RERE: variants seen among roughly 807,000 people sequenced by gnomAD.
The protein encoded by RERE is arginine-glutamic acid dipeptide repeats.
A neutral mutation model predicts 146.1 loss-of-function variants in RERE; 40 were observed. The observed-to-expected ratio is 0.27, with a 90% confidence interval of 0.21 to 0.36. The LOEUF is 0.36. Among genes scored for constraint, RERE ranks in the 10% least tolerant of loss-of-function variants. The pLI is 1.00. For missense variants in RERE, 1,933 were observed against 2,138.7 expected (o/e 0.90, Z 1.90); for synonymous variants, 1,003 against 866.0 (o/e 1.16, Z -2.78).
At chr1:8,521,440 G>A (rs1033626691) in intron 7 of RERE, among the ~76,000 whole-genome samples, 3 of 152,060 alleles carry the variant, frequency 2.0e-5, no homozygotes, top group African/African-American at 7.2e-5. Context: ...CCAGGAGTTC[G>A]AGACCAACCC....
In RERE at chr1:8,619,688, T is replaced by C. The variant is rs576685244; in HGVS notation, c.396+4622A>G. On this transcript the variant is annotated intron_variant, in intron 3 of 22. Coordinates refer to ENST00000400908, the MANE Select transcript of RERE (RefSeq NM_001042681.2). The stretch of plus-strand genomic sequence containing the variant: ...GAAAATTAGTGTCTCCATGACCTTG[T>C]TAGCATTCTCGGACTCCATGATTAC... Among the ~76,000 whole-genome samples, 10 of 152,388 alleles carry C rather than the reference T, an allele frequency of 6.6e-5. No individual in the cohort carries two copies. In the South Asian group the frequency reaches 2.1e-3, roughly 32 times the overall value.
chr1:8,703,600 G>A (rs903037849), intron 1 of RERE, among the ~76,000 whole-genome samples: 3 of 152,172 alleles, frequency 2.0e-5, no homozygotes, highest in Non-Finnish European at 1.5e-5. Flanking sequence ...CCTCCCCTCC[G>A]ACAGCCGGAA....
chr1:8,600,984 G>A (rs1646615959), intron 4 of RERE, among the ~76,000 whole-genome samples: 1 of 138,568 alleles, frequency 7.2e-6, no homozygotes, highest in Non-Finnish European at 1.5e-5. Context: ...TCTATCTCCT[G>A]ACCTTGTGAT....
At chr1:8,422,939 G>A in intron 11 of RERE, 132 bp from the exon 12 acceptor site, 2 of 675,704 alleles carry the variant, frequency 3.0e-6, no homozygotes, top group Admixed American at 2.3e-5. Flanking sequence ...GCCGAGGCTC[G>A]GAGAGTATGT....
intron 12 of RERE, among the ~76,000 whole-genome samples, chr1:8,417,263 A>G (rs1000542400): frequency 2.6e-5 from 4 of 152,182 alleles, no homozygotes; most frequent in Non-Finnish European, 5.9e-5. Flanking sequence ...GCCCTTTCTC[A>G]ATAGCATTTA....
At chr1:8,712,260 C>T (rs1300216733) in intron 1 of RERE, among the ~76,000 whole-genome samples, 1 of 152,208 alleles carries the variant, frequency 6.6e-6, no homozygotes, top group Admixed American at 6.5e-5. Context: ...AAGACAAATG[C>T]TGAACATACA....
chr1:8,565,085 G>A (rs551400542), intron 4 of RERE, among the ~76,000 whole-genome samples: 10 of 152,122 alleles, frequency 6.6e-5, no homozygotes, highest in African/African-American at 2.4e-4. Context: ...GGGGAATGGG[G>A]AGCTAATGCT....
intron 13 of RERE, among the ~76,000 whole-genome samples, chr1:8,365,425 C>T (rs965338331): frequency 6.6e-6 from 1 of 152,124 alleles, no homozygotes; most frequent in Non-Finnish European, 1.5e-5. Context: ...AAGTGTTAAT[C>T]TGATCTTCTT....
intron 12 of RERE, among the ~76,000 whole-genome samples, chr1:8,376,950 T>C (rs1557598053): frequency 1.3e-5 from 2 of 152,268 alleles, no homozygotes; most frequent in African/African-American, 4.8e-5. Flanking sequence ...AAAAAAATTA[T>C]ATTCATTGAT....
chr1:8,369,498 C>T (rs1470042858), intron 12 of RERE, among the ~76,000 whole-genome samples: 3 of 105,070 alleles, frequency 2.9e-5, no homozygotes, highest in African/African-American at 7.6e-5. Context: ...ATAAATCTTT[C>T]GCCTTTTACT....
At chr1:8,601,863 C>G (rs1213845608) in intron 4 of RERE, among the ~76,000 whole-genome samples, 2 of 151,848 alleles carry the variant, frequency 1.3e-5, no homozygotes, top group East Asian at 3.9e-4. Context: ...CCTTTCCATC[C>G]AAACTATCCA....
In RERE at chr1:8,361,093, G is replaced by A. The variant is rs1399996411; in HGVS notation, c.2414C>T (p.Ala805Val). 1 of 1,440,866 alleles carries A rather than the reference G, an allele frequency of 6.9e-7. No homozygotes were observed. 89.3% of individuals were successfully genotyped at this position (1,440,866 alleles called of 1,614,324 possible). ...VPHTHIQQAPALHPQRPPSPH... is the reference protein window; with the variant it reads ...VPHTHIQQAPVLHPQRPPSPH... ...TGAGGGCGGCCGCTGGGGGTGCAAG[G>A]CCGGTGCCTGTTGGATGTGGGTGTG... The change falls in exon 18 of 23, where the codon GCC becomes GTC. Residue 805 changes from alanine (A) to valine (V), a missense_variant. Ala to Val is a moderately conservative substitution (Grantham distance 64). Transcript: ENST00000400908.
At position 8,397,353 on chromosome 1, in the gene RERE, A is replaced by G. The variant is rs571303997; in HGVS notation, c.1284+25374T>C. Among the ~76,000 whole-genome samples the G allele has an allele frequency of 1.2e-4, 18 of 145,672 alleles. No homozygotes were observed. The South Asian group carries it at 3.5e-3, about 29-fold the overall frequency. On this transcript the variant is annotated intron_variant, in intron 12 of 22. Coordinates refer to ENST00000400908, the MANE Select transcript of RERE (RefSeq NM_001042681.2). ...ATCACTGCTGCCTTATTCGACTTTC[A>G]CTACGACTCTGAGGGAGGTTCTATT...
intron 12 of RERE, among the ~76,000 whole-genome samples, chr1:8,386,014 ATATATATATTTTTTTTTTTT>A (rs1259736601): frequency 1.3e-4 from 6 of 44,626 alleles, no homozygotes; most frequent in African/African-American, 3.8e-4. Context: ...ATATATATAT[ATATATATATTTTTTTTTTTT>A]TTTTTTTTTT....
intron 1 of RERE, among the ~76,000 whole-genome samples, chr1:8,664,505 G>A (rs1360193973): frequency 6.6e-6 from 1 of 152,002 alleles, no homozygotes; most frequent in Non-Finnish European, 1.5e-5. Context: ...GTTCACCTGG[G>A]GTCTCTTCTT....
At chr1:8,465,805 A>G in intron 11 of RERE, 120 bp downstream of exon 11, 1 of 808,500 alleles carries the variant, frequency 1.2e-6, no homozygotes, top group South Asian at 1.4e-5. Context: ...TGGCGCTGCC[A>G]CGGACAGCCA....
At chr1:8,622,209 A>G (rs2124219508) in intron 3 of RERE, among the ~76,000 whole-genome samples, 1 of 152,322 alleles carries the variant, frequency 6.6e-6, no homozygotes, top group South Asian at 2.1e-4. Flanking sequence ...TCACATTGTA[A>G]TCAGCATTTC....
At chr1:8,365,693 C>T in intron 13 of RERE, 119 bp downstream of exon 13, 1 of 1,128,954 alleles carries the variant, frequency 8.9e-7, no homozygotes, top group Non-Finnish European at 1.3e-6. Flanking sequence ...TGCACTGGAG[C>T]ACGGGTGCAC....
At chr1:8,635,251 T>C (rs1247274939) in intron 2 of RERE, among the ~76,000 whole-genome samples, 1 of 152,220 alleles carries the variant, frequency 6.6e-6, no homozygotes, top group South Asian at 2.1e-4. Context: ...CATCTCCTTA[T>C]GATACAGTGA....
Sources: gnomAD v4.1 joint callset for allele counts (sites outside exome capture counted in the v4.1 genomes callset) on GRCh38, gnomAD v4.1.1 for gene constraint, MANE v1.5 for transcripts, NCBI Gene and HGNC (gene_info 2026-07-23, HGNC 2026-07-21) for gene names.